RMDN2: variants seen among roughly 807,000 people sequenced by gnomAD.
RMDN2 encodes the protein regulator of microtubule dynamics protein 2.
In RMDN2, 61 loss-of-function variants were observed where a neutral mutation model predicts 52.8. That is an observed-to-expected ratio of 1.16 (90% CI 0.94 to 1.43). RMDN2 has a LOEUF of 1.43. RMDN2 is among the 40% of genes most tolerant of loss of function. The pLI is 0.00. For synonymous variants in RMDN2, 180 were observed against 153.1 expected (o/e 1.18, Z -1.30); for missense variants, 592 against 475.3 (o/e 1.25, Z -2.28).
chr2:37,939,574 C>T (rs1667602564), intron 2 of RMDN2, among the ~76,000 whole-genome samples: 1 of 152,088 alleles, frequency 6.6e-6, no homozygotes, highest in Non-Finnish European at 1.5e-5. Flanking sequence ...TCTGGGTGCT[C>T]TTGTATTGGG....
chr2:37,983,982 G>A (rs1010954220), intron 5 of RMDN2, among the ~76,000 whole-genome samples: 1 of 152,084 alleles, frequency 6.6e-6, no homozygotes, highest in African/African-American at 2.4e-5. Flanking sequence ...AGTCTAAAAT[G>A]TTTACTATCT....
chr2:37,942,057 T>G (rs773574046), intron 2 of RMDN2, among the ~76,000 whole-genome samples: 1 of 152,052 alleles, frequency 6.6e-6, no homozygotes, highest in African/African-American at 2.4e-5. Context: ...AATCTCCTGG[T>G]CTGTGGGTTG....
chr2:37,983,228 G>T (rs747159492), intron 5 of RMDN2, among the ~76,000 whole-genome samples: 24 of 152,188 alleles, frequency 1.6e-4, no homozygotes, highest in Non-Finnish European at 2.6e-4. Context: ...TTATTTATCA[G>T]TGTGGGTTTC....
rs370427281 is a variant in RMDN2 at position 38,000,349 on chromosome 2, G to C, written c.1044+2835G>C. On this transcript the variant is annotated intron_variant, in intron 8 of 10. Coordinates refer to ENST00000354545, the MANE Select transcript of RMDN2 (RefSeq NM_001170791.3). ...GAACCTCTGGGTATCTTGAAGTATA[G>C]TTTATAAGCAATAAATTGTACCCAT... Among the ~76,000 whole-genome samples the C allele has an allele frequency of 1.5e-4, 23 of 152,302 alleles. 1 individual carries two copies. In the East Asian group the frequency reaches 4.4e-3, roughly 29 times the overall value.
At chr2:37,963,899 G>C (rs1670640379) in intron 2 of RMDN2, among the ~76,000 whole-genome samples, 1 of 123,700 alleles carries the variant, frequency 8.1e-6, no homozygotes, top group Non-Finnish European at 2.0e-5. Context: ...CGGCGGGGCA[G>C]AGGCGCCCCC....
chr2:37,927,018 T>G (rs1034401229), intron 1 of RMDN2, among the ~76,000 whole-genome samples: 1 of 152,274 alleles, frequency 6.6e-6, no homozygotes, highest in African/African-American at 2.4e-5. Context: ...TTGTACATTA[T>G]TTTTAATGTG....
chr2:37,963,190 G>A (rs1171303022), intron 2 of RMDN2: 1 of 152,282 alleles, frequency 6.6e-6, no homozygotes, highest in Admixed American at 6.5e-5. Flanking sequence ...TCAAATCTAG[G>A]GCTCTGTGAA....
intron 10 of RMDN2, among the ~76,000 whole-genome samples, chr2:38,022,933 C>T (rs970252895): frequency 6.6e-6 from 1 of 152,208 alleles, no homozygotes; most frequent in African/African-American, 2.4e-5. Context: ...GCCAGGATTG[C>T]GTTCCAGCCC....
intron 10 of RMDN2, among the ~76,000 whole-genome samples, chr2:38,005,897 A>G (rs1558540987): frequency 6.6e-6 from 1 of 152,174 alleles, no homozygotes; most frequent in South Asian, 2.1e-4. Context: ...TAAGGAAGGG[A>G]TCCAGTTTCA....
At chr2:38,034,134 A>G (rs976463759) in intron 10 of RMDN2, among the ~76,000 whole-genome samples, 1 of 152,258 alleles carries the variant, frequency 6.6e-6, no homozygotes, top group Non-Finnish European at 1.5e-5. Flanking sequence ...TGCTGAGGCA[A>G]GGCAGTGGGT....
chr2:37,933,199 C>T (rs1233111743), intron 2 of RMDN2, among the ~76,000 whole-genome samples: 2 of 152,050 alleles, frequency 1.3e-5, no homozygotes, highest in African/African-American at 4.8e-5. Flanking sequence ...ATGCTCCTCA[C>T]TTCCCAGATG....
chr2:37,949,721 G>T (rs1179586868), intron 2 of RMDN2, among the ~76,000 whole-genome samples: 1 of 152,120 alleles, frequency 6.6e-6, no homozygotes, highest in Admixed American at 6.6e-5. Flanking sequence ...AGAGGCGGTA[G>T]TAGTATTTAG....
chr2:37,998,954 A>G (rs889348418), intron 8 of RMDN2, among the ~76,000 whole-genome samples: 48 of 152,184 alleles, frequency 3.2e-4, no homozygotes, highest in African/African-American at 1.2e-3. Flanking sequence ...CTCTTTTTAA[A>G]TTGTATAAGA....
downstream of RMDN2, among the ~76,000 whole-genome samples, chr2:38,019,549 G>A (rs1679181969): frequency 6.6e-6 from 1 of 152,032 alleles, no homozygotes; most frequent in African/African-American, 2.4e-5. Context: ...TCTCCAAATG[G>A]GTATTAACAA....
In RMDN2 at chr2:37,974,184, T is replaced by C; in HGVS notation, c.597T>C (p.Ser199=). 10 of 1,612,542 alleles carry C rather than the reference T, an allele frequency of 6.2e-6. No individual in the cohort carries two copies. Among genetic ancestry groups the C allele is most frequent in the Non-Finnish European group, 8.5e-6 (10 of 1,179,392 alleles). ...TGAGTGAGTCTGGCAAGTCGGAGAG[T>C]TTTGAACTACTTCGTGACCACAAAG... ...LRMSESGKSE[S]FELLRDHKEK... The change falls in exon 3 of 11, where the codon AGT becomes AGC. Residue 199 remains serine (S), a synonymous_variant. Coordinates refer to ENST00000354545, the MANE Select transcript of RMDN2 (RefSeq NM_001170791.3).
intron 8 of RMDN2, among the ~76,000 whole-genome samples, chr2:37,999,441 C>G (rs538271524): frequency 6.6e-6 from 1 of 152,126 alleles, no homozygotes; most frequent in South Asian, 2.1e-4. Flanking sequence ...ATTTAAACAC[C>G]TCAGCAAACC....
At chr2:37,975,347 C>T (rs1209198433) in intron 4 of RMDN2, 33 bp downstream of exon 4, 1 of 1,215,832 alleles carries the variant, frequency 8.2e-7, no homozygotes, top group East Asian at 2.3e-5. Context: ...TCTCAAGTAG[C>T]AATTAAGATC....
chr2:38,011,449 C>G (rs1421842406), intron 10 of RMDN2, among the ~76,000 whole-genome samples: 6 of 152,148 alleles, frequency 3.9e-5, no homozygotes, highest in Non-Finnish European at 8.8e-5. Flanking sequence ...CTATCATCCT[C>G]TAAATCATTA....
intron 2 of RMDN2, among the ~76,000 whole-genome samples, chr2:37,944,697 A>C (rs1238318082): frequency 4.6e-5 from 7 of 152,208 alleles, no homozygotes; most frequent in Admixed American, 3.9e-4. Flanking sequence ...CAAATGAAAG[A>C]GAGGTAAATA....
Sources: gnomAD v4.1 joint callset for allele counts (sites outside exome capture counted in the v4.1 genomes callset) on GRCh38, gnomAD v4.1.1 for gene constraint, MANE v1.5 for transcripts, NCBI Gene and HGNC (gene_info 2026-07-23, HGNC 2026-07-21) for gene names.